The following NECTIN3 variants were observed in gnomAD, a reference collection of about 807,000 sequenced individuals.
NECTIN3 encodes nectin-3.
In NECTIN3, 8 loss-of-function variants were observed where a neutral mutation model predicts 49.4. The observed-to-expected ratio is 0.16, with a 90% CI of 0.10 to 0.29. NECTIN3 has a LOEUF of 0.29. NECTIN3 is among the 10% of genes least tolerant of loss of function. NECTIN3 has a pLI of 1.00. For synonymous variants in NECTIN3, 277 were observed against 241.1 expected (o/e 1.15, Z -1.38); for missense variants, 581 against 654.6 (o/e 0.89, Z 1.23).
chr3:111,167,177 A>G (rs2035335475), intron 7 of NECTIN3, among the ~76,000 whole-genome samples: 1 of 152,224 alleles, frequency 6.6e-6, no homozygotes, highest in Non-Finnish European at 1.5e-5. Context: ...CAATGAGTCA[A>G]AAGATATTTA....
At chr3:111,187,318 G>A (rs774020739) in intron 7 of NECTIN3, among the ~76,000 whole-genome samples, 8 of 152,088 alleles carry the variant, frequency 5.3e-5, no homozygotes, top group Non-Finnish European at 1.2e-4. Context: ...GAGGAGGATC[G>A]CTTGAACTCA....
At chr3:111,147,106 G>T (rs1398341634) in intron 6 of NECTIN3, among the ~76,000 whole-genome samples, 1 of 152,092 alleles carries the variant, frequency 6.6e-6, no homozygotes, top group Non-Finnish European at 1.5e-5. Context: ...ATTAAAACAT[G>T]CACTAAAGTA....
At chr3:111,142,844 A>C (rs959075091) in intron 5 of NECTIN3, among the ~76,000 whole-genome samples, 1 of 151,902 alleles carries the variant, frequency 6.6e-6, no homozygotes, top group African/African-American at 2.4e-5. Context: ...AATAAGAACA[A>C]AAATTTAAAT....
intron 7 of NECTIN3, among the ~76,000 whole-genome samples, chr3:111,167,196 ACT>A (rs1354120914): frequency 1.8e-4 from 27 of 152,320 alleles, no homozygotes; most frequent in African/African-American, 4.1e-4. Context: ...TAAAGAGATA[ACT>A]CTACATCTGG....
chr3:111,135,059 T>C lies in NECTIN3; in HGVS notation c.*844T>C, dbSNP rs2107497136. 2.0e-6 allele frequency: 2 copies of C among 981,900 alleles called. No individual in the cohort carries two copies. Among genetic ancestry groups the C allele is most frequent in the Non-Finnish European group, 2.4e-6 (2 of 827,028 alleles). 60.8% of individuals were successfully genotyped at this position (981,900 alleles called of 1,614,324 possible). A position where few individuals can be genotyped will look rare whatever the true frequency, so the allele number is the denominator to read the frequency against. On this transcript the variant is annotated 3_prime_UTR_variant, in exon 6 of 6. Coordinates refer to ENST00000485303, the MANE Select transcript of NECTIN3 (RefSeq NM_015480.3). ...ATGCTTTATGTCCTAAACATACTAA[T>C]AGAAATGAAAAGACGCAGAGAGAGC...
intron 7 of NECTIN3, among the ~76,000 whole-genome samples, chr3:111,168,472 A>G (rs926128430): frequency 1.3e-5 from 2 of 152,170 alleles, no homozygotes; most frequent in Non-Finnish European, 2.9e-5. Context: ...GCATATATAT[A>G]TATCTGTATA....
intron 7 of NECTIN3, among the ~76,000 whole-genome samples, chr3:111,154,612 T>A (rs992301213): frequency 2.0e-5 from 3 of 152,204 alleles, no homozygotes; most frequent in Admixed American, 6.5e-5. Flanking sequence ...TTTATGTTCC[T>A]ATGAGCCAAG....
chr3:111,071,866 T>G lies in NECTIN3; in HGVS notation c.-152T>G, dbSNP rs2030751663. On this transcript the variant is annotated 5_prime_UTR_variant, in exon 1 of 6. Coordinates refer to ENST00000485303, the MANE Select transcript of NECTIN3 (RefSeq NM_015480.3). Reference sequence around the variant, plus strand: ...GCGGTGTCGAGGCAGCCGCCAGCGTTCGGCCAAGTGTCAGCCGGCAGCGAC... The same window carrying G: ...GCGGTGTCGAGGCAGCCGCCAGCGTGCGGCCAAGTGTCAGCCGGCAGCGAC... 2.2e-6 allele frequency: 1 copy of G among 451,412 alleles called. No homozygotes were observed. 28.0% of individuals were successfully genotyped at this position (451,412 alleles called of 1,614,324 possible).
chr3:111,107,029 AG>A lies in NECTIN3; in HGVS notation c.161-4998del, dbSNP rs1198574854. Among the ~76,000 whole-genome samples the A allele has an allele frequency of 6.6e-5, 10 of 152,298 alleles. No homozygotes were observed. In the East Asian group the frequency reaches 1.9e-3, roughly 29 times the overall value. On this transcript the variant is annotated intron_variant, in intron 1 of 5. Coordinates refer to ENST00000485303, the MANE Select transcript of NECTIN3 (RefSeq NM_015480.3). ...TCTTCTTGGTTCATTTCTGAGAGTC[AG>A]GGAGGAAAGAAAGGGAATGGTTGCA...
At chr3:111,188,267 A>C (rs1420788044), upstream of NECTIN3, among the ~76,000 whole-genome samples, 1 of 152,238 alleles carries the variant, frequency 6.6e-6, no homozygotes, top group Non-Finnish European at 1.5e-5. Context: ...GTGCAGAAAC[A>C]GATACATAAT....
chr3:111,149,714 AT>A (rs879892060), intron 7 of NECTIN3, among the ~76,000 whole-genome samples: 104 of 145,038 alleles, frequency 7.2e-4, no homozygotes, highest in African/African-American at 1.2e-3. Flanking sequence ...TTCTCATTTT[AT>A]TTTTTTTTTT....
chr3:111,193,118 A>G, intron 1 of NECTIN3: 1 of 1,254,288 alleles, frequency 8.0e-7, no homozygotes, highest in Non-Finnish European at 1.1e-6. Flanking sequence ...ACTGTAGTGA[A>G]TTCTATTCTT....
intron 1 of NECTIN3, among the ~76,000 whole-genome samples, chr3:111,101,072 A>G (rs1424004371): frequency 6.6e-6 from 1 of 152,130 alleles, no homozygotes; most frequent in African/African-American, 2.4e-5. Flanking sequence ...TAGTCATGTA[A>G]TAACAGCAGA....
chr3:111,089,947 A>G (rs2032162369), intron 1 of NECTIN3, among the ~76,000 whole-genome samples: 1 of 152,132 alleles, frequency 6.6e-6, no homozygotes, highest in Non-Finnish European at 1.5e-5. Flanking sequence ...GTGCAATCAA[A>G]TTTCGAATGG....
At chr3:111,151,707 T>C (rs1158323097) in intron 7 of NECTIN3, among the ~76,000 whole-genome samples, 4 of 151,916 alleles carry the variant, frequency 2.6e-5, no homozygotes, top group Admixed American at 2.6e-4. Context: ...AAAACTGAAT[T>C]TCTTTCCAAT....
intron 7 of NECTIN3, among the ~76,000 whole-genome samples, chr3:111,170,155 C>T (rs923284356): frequency 3.9e-5 from 6 of 151,988 alleles, no homozygotes; most frequent in South Asian, 2.1e-4. Context: ...CATAAATCTC[C>T]GGCTGTGTTC....
downstream of NECTIN3, among the ~76,000 whole-genome samples, chr3:111,137,769 CTTTTTT>C (rs3081495): frequency 2.0e-5 from 2 of 100,044 alleles, no homozygotes; most frequent in Non-Finnish European, 4.3e-5. Flanking sequence ...AAATTTTTTC[CTTTTTT>C]TTTTTTTTTT....
At position 111,118,284 on chromosome 3, in the gene NECTIN3, T is replaced by TATATATA. The variant is rs1559789405; in HGVS notation, c.503-369_503-368insTATAATA. 7.6e-3 allele frequency among the ~76,000 whole-genome samples: 374 copies of TATATATA among 49,500 alleles called. 6 individuals are homozygous for TATATATA. Among genetic ancestry groups the TATATATA allele is most frequent in the Non-Finnish European group, 0.013 (249 of 18,778 alleles). 32.5% of individuals were successfully genotyped at this position (49,500 alleles called of 152,430 possible). ...TATATATATATATATATATATATAT[T>TATATATA]ATACATATATAAAACTTATCTTCCA... On this transcript the variant is annotated intron_variant, in intron 2 of 5. Coordinates refer to ENST00000485303, the MANE Select transcript of NECTIN3 (RefSeq NM_015480.3).
chr3:111,086,473 T>C (rs1409581138), intron 1 of NECTIN3, among the ~76,000 whole-genome samples: 1 of 152,190 alleles, frequency 6.6e-6, no homozygotes, highest in African/African-American at 2.4e-5. Flanking sequence ...TATTTTTTCC[T>C]CCATTTACTA....
Sources: gnomAD v4.1 joint callset for allele counts (sites outside exome capture counted in the v4.1 genomes callset) on GRCh38, gnomAD v4.1.1 for gene constraint, MANE v1.5 for transcripts, NCBI Gene and HGNC (gene_info 2026-07-23, HGNC 2026-07-21) for gene names.